Variants in INPP4B observed in about 807,000 individuals in gnomAD.
INPP4B encodes inositol polyphosphate 4-phosphatase type II.
In INPP4B, 55 loss-of-function variants were observed where a neutral mutation model predicts 122.5. The ratio of observed to expected loss-of-function variants is 0.45; its 90% confidence interval spans 0.36 to 0.56. The LOEUF (loss-of-function observed/expected upper bound fraction) is 0.56, where lower values mean the gene tolerates loss of function less well. Among genes scored for constraint, INPP4B ranks in the 20% least tolerant of loss-of-function variants. The pLI, the probability that INPP4B is intolerant of heterozygous loss-of-function variation, is 0.00. For synonymous variants in INPP4B, 403 were observed against 388.7 expected, an observed-to-expected ratio of 1.04 and a Z score of -0.43; for missense variants, 1,000 against 1,097.7, an observed-to-expected ratio of 0.91 and a Z score of 1.26.
chr4:142,740,097 T>C (rs1767685984), intron 1 of INPP4B, among the ~76,000 whole-genome samples: 1 of 152,036 alleles, frequency 6.6e-6, no homozygotes, highest in Admixed American at 6.6e-5. Context: ...AAATTAACTG[T>C]CAGTCTTTGC....
chr4:142,187,351 T>C (rs545626793), intron 15 of INPP4B, among the ~76,000 whole-genome samples: 2 of 152,188 alleles, frequency 1.3e-5, no homozygotes, highest in South Asian at 4.1e-4. Context: ...TATACTTTAT[T>C]GAAATATTGA....
chr4:142,276,971 C>G lies in INPP4B; in HGVS notation c.504-6197G>C, dbSNP rs925997671. 3.4e-4 allele frequency among the ~76,000 whole-genome samples: 51 copies of G among 151,878 alleles called. 1 individual carries two copies. Among genetic ancestry groups the G allele is most frequent in the African/African-American group, 1.2e-3 (49 of 41,386 alleles). Reference sequence around the variant, plus strand: ...CAAGGTGAGAAAACAAGGTTGGCATCTTGCAAATGTCGTCAGATTTCCAAA... The same window carrying G: ...CAAGGTGAGAAAACAAGGTTGGCATGTTGCAAATGTCGTCAGATTTCCAAA... On this transcript the variant is annotated intron_variant, in intron 9 of 25. Coordinates refer to ENST00000262992, the MANE Select transcript of INPP4B (RefSeq NM_001101669.3).
intron 3 of INPP4B, among the ~76,000 whole-genome samples, chr4:142,454,438 G>A (rs1429003322): frequency 2.0e-5 from 3 of 152,032 alleles, no homozygotes; most frequent in African/African-American, 7.2e-5. Context: ...CCCACTTCAT[G>A]AACTATTCTG....
At chr4:142,053,584 G>A (rs527995303) in intron 25 of INPP4B, among the ~76,000 whole-genome samples, 1 of 75,368 alleles carries the variant, frequency 1.3e-5, no homozygotes, top group Non-Finnish European at 3.5e-5. Context: ...AATTGTACCT[G>A]TAGTCATGGC....
At chr4:142,212,365 CAT>C (rs1459562468) in intron 12 of INPP4B, among the ~76,000 whole-genome samples, 1 of 152,180 alleles carries the variant, frequency 6.6e-6, no homozygotes, top group Middle Eastern at 3.2e-3. Context: ...GATTTTCCGC[CAT>C]ACTCTACCAG....
At chr4:142,434,628 T>C (rs556026963) in intron 3 of INPP4B, among the ~76,000 whole-genome samples, 3 of 152,252 alleles carry the variant, frequency 2.0e-5, no homozygotes, top group African/African-American at 4.8e-5. Flanking sequence ...CACATGTCTC[T>C]GATAAAAGGG....
At chr4:142,146,923 G>A (rs2152847268) in intron 17 of INPP4B, among the ~76,000 whole-genome samples, 1 of 152,156 alleles carries the variant, frequency 6.6e-6, no homozygotes, top group Admixed American at 6.5e-5. Flanking sequence ...TTTGCTTAAG[G>A]TAATGCATGC....
At chr4:142,530,626 G>A (rs1827492589) in intron 2 of INPP4B, among the ~76,000 whole-genome samples, 1 of 150,052 alleles carries the variant, frequency 6.7e-6, no homozygotes, top group African/African-American at 2.5e-5. Context: ...AGAAAATTAA[G>A]GCAGAAAAAA....
intron 15 of INPP4B, among the ~76,000 whole-genome samples, chr4:142,188,379 C>A (rs978546300): frequency 1.4e-5 from 2 of 147,728 alleles, no homozygotes; most frequent in African/African-American, 5.0e-5. Context: ...CCCAGCTACT[C>A]GGGAGGCTGA....
chr4:142,636,696 G>T (rs1417862593), intron 2 of INPP4B, among the ~76,000 whole-genome samples: 1 of 151,846 alleles, frequency 6.6e-6, no homozygotes, highest in Non-Finnish European at 1.5e-5. Flanking sequence ...ATTCTATATG[G>T]ATTATCTAAA....
intron 22 of INPP4B, among the ~76,000 whole-genome samples, chr4:142,109,315 C>G (rs1294802675): frequency 6.6e-6 from 1 of 152,142 alleles, no homozygotes; most frequent in Non-Finnish European, 1.5e-5. Context: ...ATGAATTCAT[C>G]TATACAAAAA....
intron 17 of INPP4B, among the ~76,000 whole-genome samples, chr4:142,158,992 A>G (rs557065626): frequency 3.9e-5 from 6 of 152,020 alleles, no homozygotes; most frequent in Non-Finnish European, 8.8e-5. Context: ...ATTGTATGAC[A>G]TATCTAATTT....
chr4:142,337,674 T>TTA (rs950762837), intron 7 of INPP4B, among the ~76,000 whole-genome samples: 12 of 137,594 alleles, frequency 8.7e-5, no homozygotes, highest in Non-Finnish European at 1.9e-4. Flanking sequence ...CCTTTATTCA[T>TTA]TATATATATA....
chr4:142,488,189 T>G (rs1580190856), intron 2 of INPP4B, among the ~76,000 whole-genome samples: 1 of 152,098 alleles, frequency 6.6e-6, no homozygotes, highest in Non-Finnish European at 1.5e-5. Context: ...TCTGCTAATG[T>G]TATACAATAC....
intron 2 of INPP4B, among the ~76,000 whole-genome samples, chr4:142,528,132 A>G (rs1228587416): frequency 1.3e-5 from 2 of 152,086 alleles, no homozygotes; most frequent in African/African-American, 2.4e-5. Context: ...GTATGTATAA[A>G]GTATATAAAG....
chr4:142,343,084 C>T (rs1319834535), intron 7 of INPP4B, among the ~76,000 whole-genome samples: 1 of 152,096 alleles, frequency 6.6e-6, no homozygotes, highest in African/African-American at 2.4e-5. Context: ...TAAGAGAAAA[C>T]TAAAATTTCA....
At chr4:142,244,794 G>A (rs902639923) in intron 11 of INPP4B, among the ~76,000 whole-genome samples, 6 of 152,142 alleles carry the variant, frequency 3.9e-5, no homozygotes, top group Non-Finnish European at 7.3e-5. Flanking sequence ...GATCCTTGAG[G>A]AATCTCCACA....
chr4:142,459,086 A>T (rs1816158664), intron 3 of INPP4B, among the ~76,000 whole-genome samples: 2 of 152,286 alleles, frequency 1.3e-5, no homozygotes, highest in South Asian at 4.1e-4. Flanking sequence ...GTAACCTAGA[A>T]AGCAGTGTGG....
intron 18 of INPP4B, among the ~76,000 whole-genome samples, chr4:142,137,925 T>C (rs1176726353): frequency 2.0e-5 from 3 of 152,116 alleles, no homozygotes; most frequent in South Asian, 2.1e-4. Flanking sequence ...GGAACACTTA[T>C]ACACTGTTGG....
Sources: allele counts gnomAD v4.1 joint callset (sites outside exome capture counted in the v4.1 genomes callset), GRCh38; gene constraint gnomAD v4.1.1; transcripts MANE v1.5; gene names NCBI Gene and HGNC (gene_info 2026-07-23, HGNC 2026-07-21).